Variants in USP25 observed in about 807,000 individuals in gnomAD.
The protein encoded by USP25 is ubiquitin specific peptidase 25, also known as ubiquitin carboxyl-terminal hydrolase 25.
In USP25, 85 loss-of-function variants were observed where a neutral mutation model predicts 158.5. The observed-to-expected ratio is 0.54, with a 90% CI of 0.45 to 0.64. The LOEUF is 0.64. USP25 is among the 30% of genes least tolerant of loss of function. The probability of loss-of-function intolerance (pLI) is 0.00; values close to 1 mark genes in which losing one functional copy is unlikely to be tolerated. For synonymous variants in USP25, 464 were observed against 460.4 expected (o/e 1.01, Z -0.10); for missense variants, 1,242 against 1,327.3 (o/e 0.94, Z 1.00).
At chr21:15,811,752 G>A (rs1476254755) in intron 9 of USP25, among the ~76,000 whole-genome samples, 2 of 152,040 alleles carry the variant, frequency 1.3e-5, no homozygotes, top group African/African-American at 4.8e-5. Context: ...TTAAAATTTG[G>A]CCTAAGTAGT....
chr21:15,826,075 T>G lies in USP25; in HGVS notation c.1305-129T>G. ...GTATATTCAGTTTTACCATCTTCGT[T>G]TTAAAGCAAATGAATTTTATTGCTG... On this transcript the variant is annotated intron_variant, in intron 12 of 25. Coordinates refer to ENST00000400183, the MANE Select transcript of USP25 (RefSeq NM_001283041.3). This position sits in a 1 kb window ranked among gnomAD's most constrained non-coding sequence, Gnocchi z 4.8. 1 of 1,076,366 alleles carries G rather than the reference T, an allele frequency of 9.3e-7. No homozygotes were observed. Among genetic ancestry groups the G allele is most frequent in the Non-Finnish European group, 1.3e-6 (1 of 766,304 alleles). The allele number at this position is 1,076,366 out of a possible 1,614,324, so 66.7% of individuals were successfully genotyped here.
At chr21:15,856,581 C>T (rs1402106852) in intron 20 of USP25, among the ~76,000 whole-genome samples, 1 of 152,110 alleles carries the variant, frequency 6.6e-6, no homozygotes, top group Non-Finnish European at 1.5e-5. Context: ...ACGCCATTCT[C>T]CTGCCTCAGC....
chr21:15,838,840 C>T (rs1231059040), intron 17 of USP25, among the ~76,000 whole-genome samples: 1 of 152,132 alleles, frequency 6.6e-6, no homozygotes, highest in Admixed American at 6.6e-5. Context: ...AGTTGACCTT[C>T]TTAAAAGATT....
rs934985364 is a variant in USP25 at position 15,730,328 on chromosome 21, C to T, written c.-66C>T. 9.3e-7 allele frequency: 1 copy of T among 1,069,604 alleles called. No individual in the cohort carries two copies. Among genetic ancestry groups the T allele is most frequent in the East Asian group, 7.3e-5 (1 of 13,776 alleles). 66.3% of individuals were successfully genotyped at this position (1,069,604 alleles called of 1,614,324 possible). On this transcript the variant is annotated 5_prime_UTR_variant, in exon 1 of 26. Coordinates refer to ENST00000400183, the MANE Select transcript of USP25 (RefSeq NM_001283041.3). ...CTGGAGCTCGGCGGAGCGCGGCAGC[C>T]AGGGCCGGCGGAGGCGCGAGGAGCC...
intron 1 of USP25, among the ~76,000 whole-genome samples, chr21:15,741,587 T>A (rs2032063578): frequency 6.6e-6 from 1 of 152,198 alleles, no homozygotes; most frequent in South Asian, 2.1e-4. Flanking sequence ...CCCTAATGAC[T>A]AATGATTTTG....
rs901475144 is a variant in USP25 at position 15,847,779 on chromosome 21, A to G, written c.2451+3A>G. The G allele has an allele frequency of 6.5e-7, 1 of 1,533,610 alleles. No homozygotes were observed. Among genetic ancestry groups the G allele is most frequent in the Non-Finnish European group, 8.8e-7 (1 of 1,131,776 alleles). ...AGGAGGGGGGGTATGATGACGAGGT[A>G]CCTTTTACAGCCCTCTGCACCATTG... On this transcript the variant is annotated splice_donor_region_variant and intron_variant, in intron 19 of 25. Transcript: ENST00000400183.
intron 14 of USP25, among the ~76,000 whole-genome samples, chr21:15,828,216 T>C (rs764229547): frequency 1.3e-4 from 20 of 152,354 alleles, no homozygotes; most frequent in South Asian, 2.1e-4. Flanking sequence ...AGATTTTCTT[T>C]AGTATTTTTC....
chr21:15,809,403 A>T (rs1385370076), intron 8 of USP25, among the ~76,000 whole-genome samples: 1 of 152,110 alleles, frequency 6.6e-6, no homozygotes, highest in Non-Finnish European at 1.5e-5. Flanking sequence ...ATGTGGCCTA[A>T]CTTCAAAGTG....
At chr21:15,866,491 A>G (rs1235947782) in intron 22 of USP25, 147 bp downstream of exon 22, 2 of 446,934 alleles carry the variant, frequency 4.5e-6, no homozygotes, top group East Asian at 7.4e-5. Context: ...CAAGTAATTA[A>G]TAATTTTATA....
chr21:15,807,126 C>G (rs2036430728), intron 7 of USP25, among the ~76,000 whole-genome samples: 1 of 152,018 alleles, frequency 6.6e-6, no homozygotes, highest in Admixed American at 6.6e-5. Context: ...CAGGATCTCC[C>G]TATGTTGCCA....
intron 14 of USP25, 140 bp from the exon 15 acceptor site, chr21:15,830,391 C>T (rs932978181): frequency 4.2e-5 from 24 of 576,540 alleles, no homozygotes; most frequent in Non-Finnish European, 6.8e-5. Flanking sequence ...CTACAGATTT[C>T]AAATGGTAAT....
At chr21:15,737,039 T>C (rs1284977428) in intron 1 of USP25, among the ~76,000 whole-genome samples, 4 of 152,130 alleles carry the variant, frequency 2.6e-5, no homozygotes, top group Non-Finnish European at 5.9e-5. Context: ...TGGTCCTGCC[T>C]AGGATTTTTC....
intron 1 of USP25, among the ~76,000 whole-genome samples, chr21:15,744,611 A>T (rs2032371239): frequency 7.5e-6 from 1 of 132,782 alleles, no homozygotes; most frequent in Admixed American, 7.3e-5. Context: ...GTTTTGGGGC[A>T]GAGCTTCGTT....
chr21:15,738,577 CT>C (rs967574417), intron 1 of USP25, among the ~76,000 whole-genome samples: 5 of 152,060 alleles, frequency 3.3e-5, no homozygotes, highest in African/African-American at 1.2e-4. Flanking sequence ...ATGCAGTGGT[CT>C]TTTGTATGTT....
chr21:15,811,747 A>G (rs1256934402), intron 9 of USP25, among the ~76,000 whole-genome samples: 1 of 152,198 alleles, frequency 6.6e-6, no homozygotes, highest in African/African-American at 2.4e-5. Flanking sequence ...GTTTCTTAAA[A>G]TTTGGCCTAA....
At chr21:15,756,210 T>C (rs1386258868) in intron 1 of USP25, among the ~76,000 whole-genome samples, 1 of 152,176 alleles carries the variant, frequency 6.6e-6, no homozygotes, top group Non-Finnish European at 1.5e-5. Flanking sequence ...TCCAGGGAAT[T>C]ATCCAAGACA....
rs149056943 is a variant in USP25, at chr21:15,800,671, A to T, written c.642+828A>T. Among the ~76,000 whole-genome samples the T allele has an allele frequency of 1.5e-3, 233 of 151,592 alleles. 1 individual carries two copies. Among genetic ancestry groups the T allele is most frequent in the Non-Finnish European group, 2.6e-3 (176 of 67,536 alleles). On this transcript the variant is annotated intron_variant, in intron 6 of 25. Coordinates refer to ENST00000400183, the MANE Select transcript of USP25 (RefSeq NM_001283041.3). ...GTTGATCTTGTCATAAACAATCTGT[A>T]GTCCTAAAGTGGACTTATTGCCAAG...
intron 1 of USP25, among the ~76,000 whole-genome samples, chr21:15,737,294 T>G (rs2031614955): frequency 6.6e-6 from 1 of 152,158 alleles, no homozygotes; most frequent in Non-Finnish European, 1.5e-5. Flanking sequence ...AGAGTTTGTT[T>G]TTAATAATAT....
At chr21:15,837,486 C>T (rs1000376959) in intron 17 of USP25, among the ~76,000 whole-genome samples, 1 of 152,132 alleles carries the variant, frequency 6.6e-6, no homozygotes. Context: ...TTAAGAGACA[C>T]TGGAGTCAGA....
Sources: allele counts gnomAD v4.1 joint callset (sites outside exome capture counted in the v4.1 genomes callset), GRCh38; gene constraint gnomAD v4.1.1; non-coding constraint Gnocchi (gnomAD v3.1); transcripts MANE v1.5; gene names NCBI Gene and HGNC (gene_info 2026-07-23, HGNC 2026-07-21).